The following NCAM1 variants were observed in gnomAD, a reference collection of about 807,000 sequenced individuals.
NCAM1 encodes antigen recognized by monoclonal antibody 5.1H11.
A neutral mutation model predicts 109.8 loss-of-function variants in NCAM1; 14 were observed. That is an observed-to-expected ratio of 0.13 (90% CI 0.08 to 0.20). The LOEUF is 0.20. Ranked by LOEUF, NCAM1 falls within the 10% of genes least tolerant of loss-of-function variation. NCAM1 has a pLI of 1.00. For synonymous variants in NCAM1, 418 were observed against 442.9 expected (o/e 0.94, Z 0.70); for missense variants, 774 against 1,109.9 (o/e 0.70, Z 4.30).
intron 15 of NCAM1, among the ~76,000 whole-genome samples, chr11:113,249,174 C>CT: frequency 6.6e-6 from 1 of 152,212 alleles, no homozygotes; most frequent in East Asian, 1.9e-4. Context: ...GAGCTAAGCT[C>CT]TTTAACACCC....
chr11:113,207,100 A>G (rs1944260029), intron 5 of NCAM1, among the ~76,000 whole-genome samples, 161 bp from the exon 6 acceptor site: 2 of 152,250 alleles, frequency 1.3e-5, no homozygotes, highest in Admixed American at 1.3e-4. Context: ...GAAGTTATTT[A>G]GTACATACAT....
chr11:112,986,056 T>G (rs369821459), intron 1 of NCAM1, among the ~76,000 whole-genome samples: 18 of 152,110 alleles, frequency 1.2e-4, no homozygotes, highest in African/African-American at 4.1e-4. Context: ...CTAACATATA[T>G]GACCTTTATT....
intron 1 of NCAM1, among the ~76,000 whole-genome samples, chr11:113,024,017 G>T (rs1394377735): frequency 6.6e-6 from 1 of 152,166 alleles, no homozygotes; most frequent in East Asian, 1.9e-4. Context: ...TTAAAAAGTT[G>T]GGTCCGGTTT....
intron 1 of NCAM1, among the ~76,000 whole-genome samples, chr11:113,104,599 T>G (rs1389209495): frequency 4.6e-5 from 7 of 152,168 alleles, no homozygotes; most frequent in Admixed American, 3.9e-4. Context: ...AGAGCAAAGC[T>G]GAATCGGGGG....
chr11:113,073,528 T>C (rs782531553), intron 1 of NCAM1, among the ~76,000 whole-genome samples: 1 of 152,242 alleles, frequency 6.6e-6, no homozygotes, highest in African/African-American at 2.4e-5. Flanking sequence ...CCCAAGAGTA[T>C]TTTTAGCATG....
rs571110547 is a variant in NCAM1 at position 113,062,911 on chromosome 11, T to C, written c.52+101247T>C. Among the ~76,000 whole-genome samples, 4 of 152,192 alleles carry C rather than the reference T, an allele frequency of 2.6e-5. No individual in the cohort carries two copies. In the East Asian group the frequency reaches 7.7e-4, roughly 29 times the overall value. On this transcript the variant is annotated intron_variant, in intron 1 of 19. Coordinates refer to ENST00000316851, the MANE Select transcript of NCAM1 (RefSeq NM_181351.5). ...TGAGCCCAGGAGTTTGAGGCTGCAGTGAGCCATGATCATACCACTGCACTC... is the reference window on the plus strand; with the variant it reads ...TGAGCCCAGGAGTTTGAGGCTGCAGCGAGCCATGATCATACCACTGCACTC...
chr11:113,036,149 G>A (rs1952876024), intron 1 of NCAM1, among the ~76,000 whole-genome samples: 1 of 151,884 alleles, frequency 6.6e-6, no homozygotes. Context: ...CAAGCCCCCA[G>A]CCCTGAGCCT....
chr11:113,243,599 C>T (rs1555119538), intron 14 of NCAM1: 1 of 518,732 alleles, frequency 1.9e-6, no homozygotes, highest in Non-Finnish European at 3.8e-6. Flanking sequence ...AGCTGGTCTT[C>T]ATAATGCTCT....
chr11:113,025,778 C>CGAGAGAGAGAGAGAGAGAGAGA (rs199893109), intron 1 of NCAM1, among the ~76,000 whole-genome samples: 1 of 118,812 alleles, frequency 8.4e-6, no homozygotes. Context: ...CACAGGGAGC[C>CGAGAGAGAGAGAGAGAGAGAGA]GAGAGAGAGA....
rs781871066 is a variant in NCAM1 at position 113,121,859 on chromosome 11, TA to T, written c.53-80519del. 1.7e-3 allele frequency among the ~76,000 whole-genome samples: 255 copies of T among 152,324 alleles called. 2 individuals are homozygous for T. Among genetic ancestry groups the T allele is most frequent in the Non-Finnish European group, 3.0e-3 (202 of 68,028 alleles). ...GTCTTTTTCTCTACAAGCAACTATT[TA>T]GAAAACATGGCAGTGCTTCCATTGG... On this transcript the variant is annotated intron_variant, in intron 1 of 19. Transcript: ENST00000316851.
At chr11:113,261,429 C>G (rs1945994502) in intron 17 of NCAM1, among the ~76,000 whole-genome samples, 1 of 152,094 alleles carries the variant, frequency 6.6e-6, no homozygotes, top group Non-Finnish European at 1.5e-5. Flanking sequence ...AGTGAGTTGG[C>G]AGGTGAGTTT....
intron 1 of NCAM1, among the ~76,000 whole-genome samples, chr11:113,061,638 A>T (rs1937645443): frequency 6.6e-6 from 1 of 152,244 alleles, no homozygotes; most frequent in South Asian, 2.1e-4. Flanking sequence ...TGGCTCGCAC[A>T]TGGGACAAAT....
At chr11:113,241,446 A>G (rs1434968456) in intron 14 of NCAM1, among the ~76,000 whole-genome samples, 3 of 152,136 alleles carry the variant, frequency 2.0e-5, no homozygotes, top group African/African-American at 7.2e-5. Context: ...TCCTCTGTAA[A>G]ATAGGATGAG....
chr11:113,028,616 T>C lies in NCAM1; in HGVS notation c.52+66952T>C, dbSNP rs189916342. On this transcript the variant is annotated intron_variant, in intron 1 of 19. Transcript: ENST00000316851. ...TACCTTTCTGAGTTGCTTTGCACTA[T>C]AGCATTATAAAGTTATCTAGTGAAT... Among the ~76,000 whole-genome samples, 14 of 152,356 alleles carry C rather than the reference T, an allele frequency of 9.2e-5. No homozygotes were observed. In the East Asian group the frequency reaches 2.3e-3, roughly 25 times the overall value.
chr11:113,162,299 T>C (rs781856496), intron 1 of NCAM1, among the ~76,000 whole-genome samples: 2 of 152,186 alleles, frequency 1.3e-5, no homozygotes, highest in Non-Finnish European at 2.9e-5. Context: ...AGCATGTTTT[T>C]TGTCTTGTCA....
At chr11:113,176,967 T>A (rs1308465162) in intron 1 of NCAM1, among the ~76,000 whole-genome samples, 2 of 152,194 alleles carry the variant, frequency 1.3e-5, no homozygotes, top group African/African-American at 4.8e-5. Flanking sequence ...TATGCTACAC[T>A]GGGTTTACCA....
chr11:113,097,533 G>A (rs956497783), intron 1 of NCAM1, among the ~76,000 whole-genome samples: 11 of 151,460 alleles, frequency 7.3e-5, no homozygotes, highest in Non-Finnish European at 1.6e-4. Flanking sequence ...CTGGTTACCT[G>A]TAGGATGACT....
intron 1 of NCAM1, among the ~76,000 whole-genome samples, chr11:113,175,918 G>A (rs1943130300): frequency 1.3e-5 from 2 of 152,094 alleles, no homozygotes; most frequent in South Asian, 4.2e-4. Flanking sequence ...AAGAAATCAC[G>A]GTAAGAATGT....
At chr11:113,129,456 G>A (rs1210767690) in intron 1 of NCAM1, among the ~76,000 whole-genome samples, 1 of 151,964 alleles carries the variant, frequency 6.6e-6, no homozygotes, top group African/African-American at 2.4e-5. Context: ...ACAAGGACCT[G>A]TATTTTTTTT....
Sources: gnomAD v4.1 joint callset for allele counts (sites outside exome capture counted in the v4.1 genomes callset) on GRCh38, gnomAD v4.1.1 for gene constraint, MANE v1.5 for transcripts, NCBI Gene and HGNC (gene_info 2026-07-23, HGNC 2026-07-21) for gene names.